Variants in RALYL observed in about 807,000 individuals in gnomAD.
RALYL encodes RALY RNA binding protein like.
Under a neutral mutation model 35.1 loss-of-function variants are expected in RALYL, and 29 were observed. The ratio of observed to expected loss-of-function variants is 0.83; its 90% CI spans 0.61 to 1.13. The LOEUF (loss-of-function observed/expected upper bound fraction) is 1.13, where lower values mean the gene tolerates loss of function less well. Among genes scored for constraint, RALYL ranks in the 50% most tolerant of loss-of-function variants. The probability of loss-of-function intolerance (pLI) is 0.00; values close to 1 mark genes in which losing one functional copy is unlikely to be tolerated. For synonymous variants in RALYL, 120 were observed against 127.6 expected, an observed-to-expected ratio of 0.94 and a Z score of 0.40; for missense variants, 359 against 360.4, an observed-to-expected ratio of 1.00 and a Z score of 0.03.
intron 1 of RALYL, among the ~76,000 whole-genome samples, chr8:84,315,830 A>AC (rs1843659433): frequency 6.6e-6 from 1 of 151,968 alleles, no homozygotes; most frequent in African/African-American, 2.4e-5. Flanking sequence ...AAAAAAAAAA[A>AC]AACTTTCTGA....
intron 1 of RALYL, among the ~76,000 whole-genome samples, chr8:84,322,481 T>G (rs1269485198): frequency 6.6e-6 from 1 of 152,138 alleles, no homozygotes; most frequent in Non-Finnish European, 1.5e-5. Flanking sequence ...CTTGATTTAA[T>G]CATCTTCCAC....
intron 1 of RALYL, among the ~76,000 whole-genome samples, chr8:84,432,780 C>T (rs1397356998): frequency 6.6e-6 from 1 of 151,836 alleles, no homozygotes; most frequent in African/African-American, 2.4e-5. Flanking sequence ...AGTTGCAATC[C>T]AAGGAATAAC....
chr8:84,460,531 A>G (rs950909556), intron 1 of RALYL, among the ~76,000 whole-genome samples: 28 of 151,744 alleles, frequency 1.8e-4, no homozygotes, highest in Non-Finnish European at 3.7e-4. Context: ...TCTTCAAGAT[A>G]CAAGGTTAAT....
intron 1 of RALYL, among the ~76,000 whole-genome samples, chr8:84,237,411 T>G (rs562476888): frequency 6.6e-6 from 1 of 152,274 alleles, no homozygotes; most frequent in Admixed American, 6.5e-5. Flanking sequence ...GGAGATTCTC[T>G]TAGAGGCTGA....
At chr8:84,189,201 A>G (rs1813266378) in intron 1 of RALYL, among the ~76,000 whole-genome samples, 1 of 152,208 alleles carries the variant, frequency 6.6e-6, no homozygotes, top group South Asian at 2.1e-4. Flanking sequence ...CTTCTGAAAG[A>G]TACAATAGCA....
At chr8:84,518,767 G>A (rs2058247198) in intron 1 of RALYL, among the ~76,000 whole-genome samples, 1 of 152,144 alleles carries the variant, frequency 6.6e-6, no homozygotes, top group Non-Finnish European at 1.5e-5. Flanking sequence ...TGAAAGTTGT[G>A]CATCTCTGTG....
intron 4 of RALYL, among the ~76,000 whole-genome samples, chr8:84,843,881 T>C (rs2134655308): frequency 6.6e-6 from 1 of 152,330 alleles, no homozygotes; most frequent in Middle Eastern, 3.4e-3. Context: ...GATTCCCTAT[T>C]TAATAAATGG....
chr8:84,290,055 A>G (rs1838457572), intron 1 of RALYL, among the ~76,000 whole-genome samples: 2 of 152,346 alleles, frequency 1.3e-5, no homozygotes, highest in African/African-American at 4.8e-5. Flanking sequence ...AGACGCTGAT[A>G]CCACTGTTGC....
intron 2 of RALYL, among the ~76,000 whole-genome samples, chr8:84,766,720 CAAAA>C (rs751821694): frequency 5.6e-5 from 1 of 18,018 alleles, no homozygotes; most frequent in Non-Finnish European, 1.0e-4. Flanking sequence ...GAGACTGTCT[CAAAA>C]AAAAAAAAAA....
intron 2 of RALYL, among the ~76,000 whole-genome samples, chr8:84,769,768 A>G (rs1193753551): frequency 1.3e-5 from 2 of 151,730 alleles, no homozygotes; most frequent in South Asian, 2.1e-4. Flanking sequence ...AAAAAACCCT[A>G]TTTTCTCTGA....
intron 2 of RALYL, among the ~76,000 whole-genome samples, chr8:84,648,962 T>A (rs1274539065): frequency 6.6e-6 from 1 of 151,978 alleles, no homozygotes; most frequent in Admixed American, 6.6e-5. Flanking sequence ...TTATCTATCA[T>A]CCCTTTAAGC....
chr8:84,544,027 A>G (rs1007174669), intron 2 of RALYL, among the ~76,000 whole-genome samples: 11 of 152,062 alleles, frequency 7.2e-5, no homozygotes, highest in Non-Finnish European at 1.2e-4. Flanking sequence ...CATCATTATG[A>G]TATCTGAAAA....
At chr8:84,836,242 A>G (rs1046442198) in intron 4 of RALYL, among the ~76,000 whole-genome samples, 2 of 152,158 alleles carry the variant, frequency 1.3e-5, no homozygotes, top group Admixed American at 6.5e-5. Context: ...TGGTCTATCA[A>G]TTAAAGTAAT....
chr8:84,549,075 C>G (rs1345719711), intron 2 of RALYL, among the ~76,000 whole-genome samples: 1 of 152,170 alleles, frequency 6.6e-6, no homozygotes, highest in Non-Finnish European at 1.5e-5. Context: ...GTCCTGTTCT[C>G]AGAGAGGCCC....
chr8:84,601,024 A>G (rs2130740003), intron 2 of RALYL, among the ~76,000 whole-genome samples: 1 of 152,284 alleles, frequency 6.6e-6, no homozygotes, highest in East Asian at 1.9e-4. Context: ...ATATGCAAAG[A>G]TATCTGAGAT....
At chr8:84,881,259 A>G (rs1842133252) in intron 7 of RALYL, among the ~76,000 whole-genome samples, 1 of 152,028 alleles carries the variant, frequency 6.6e-6, no homozygotes, top group South Asian at 2.1e-4. Flanking sequence ...TATTGGAACC[A>G]TTGAGTTAAA....
chr8:84,611,940 T>C (rs1425898843), intron 2 of RALYL, among the ~76,000 whole-genome samples: 11 of 152,036 alleles, frequency 7.2e-5, no homozygotes. Context: ...GATGTGAACA[T>C]TTTTTTCTGT....
chr8:84,459,756 T>C (rs1044516160), intron 1 of RALYL, among the ~76,000 whole-genome samples: 4 of 151,762 alleles, frequency 2.6e-5, no homozygotes, highest in African/African-American at 9.7e-5. Flanking sequence ...AGAATGTTTA[T>C]GGAATGTGGT....
At chr8:84,743,682 A>G (rs1454803337) in intron 2 of RALYL, among the ~76,000 whole-genome samples, 2 of 152,052 alleles carry the variant, frequency 1.3e-5, no homozygotes, top group African/African-American at 4.8e-5. Context: ...ACAAAAAGGC[A>G]CAAGACAATG....
Sources: allele counts gnomAD v4.1 joint callset (sites outside exome capture counted in the v4.1 genomes callset), GRCh38; gene constraint gnomAD v4.1.1; transcripts MANE v1.5; gene names NCBI Gene and HGNC (gene_info 2026-07-23, HGNC 2026-07-21).